The following CACNB2 variants were observed in gnomAD, a reference collection of about 807,000 sequenced individuals.
CACNB2 encodes the protein voltage-dependent L-type calcium channel subunit beta-2.
In CACNB2, 42 loss-of-function variants were observed where a neutral mutation model predicts 73.3. The ratio of observed to expected loss-of-function variants is 0.57; its 90% CI spans 0.45 to 0.74. The LOEUF is 0.74. Ranked by LOEUF, CACNB2 falls within the 30% of genes least tolerant of loss-of-function variation. CACNB2 has a pLI of 0.00. For missense variants in CACNB2, 940 were observed against 853.0 expected, an observed-to-expected ratio of 1.10 and a Z score of -1.27; for synonymous variants, 348 against 310.3, an observed-to-expected ratio of 1.12 and a Z score of -1.28.
At chr10:18,179,673 T>C (rs909725333) in intron 2 of CACNB2, among the ~76,000 whole-genome samples, 3 of 152,170 alleles carry the variant, frequency 2.0e-5, no homozygotes, top group Non-Finnish European at 4.4e-5. Flanking sequence ...TAGTTTGGTG[T>C]TTAACTTTTT....
chr10:18,518,681 C>T (rs1047154280), intron 8 of CACNB2, among the ~76,000 whole-genome samples: 3 of 152,128 alleles, frequency 2.0e-5, no homozygotes, highest in Admixed American at 2.0e-4. Flanking sequence ...AAATGGAGAC[C>T]GACTGAAACC....
chr10:18,173,870 G>A (rs908480948), intron 2 of CACNB2, among the ~76,000 whole-genome samples: 12 of 152,054 alleles, frequency 7.9e-5, no homozygotes, highest in Admixed American at 1.3e-4. Context: ...TAGATTTTAC[G>A]TTTCTATAAA....
In CACNB2 at chr10:18,197,326, GC is replaced by G. The variant is rs1162540924; in HGVS notation, c.213+46353del. Among the ~76,000 whole-genome samples, 19 of 152,200 alleles carry G rather than the reference GC, an allele frequency of 1.2e-4. No individual in the cohort carries two copies. The East Asian group carries it at 3.7e-3, about 29-fold the overall frequency. On this transcript the variant is annotated intron_variant, in intron 2 of 13. Transcript: ENST00000324631. ...CTCCAGACACTCATTATTATTTCATGCCTAAGTTATATCAGCTAGAATGTTT... is the reference window on the plus strand; with the variant it reads ...CTCCAGACACTCATTATTATTTCATGCTAAGTTATATCAGCTAGAATGTTT...
chr10:18,267,229 G>C (rs1393084429), intron 2 of CACNB2, among the ~76,000 whole-genome samples: 1 of 151,950 alleles, frequency 6.6e-6, no homozygotes, highest in Non-Finnish European at 1.5e-5. Flanking sequence ...TTTAATATTG[G>C]CCATGTTAAA....
intron 5 of CACNB2, among the ~76,000 whole-genome samples, chr10:18,504,606 C>A (rs935042570): frequency 1.1e-4 from 16 of 151,926 alleles, no homozygotes; most frequent in Non-Finnish European, 2.9e-5. Flanking sequence ...AATACTTTTA[C>A]TTGCTTTCAT....
intron 2 of CACNB2, among the ~76,000 whole-genome samples, chr10:18,258,173 A>C (rs1190598831): frequency 6.6e-6 from 1 of 152,208 alleles, no homozygotes; most frequent in Non-Finnish European, 1.5e-5. Flanking sequence ...CAAATTAGTT[A>C]GTGCTTGGAA....
chr10:18,181,245 A>C (rs77833457), intron 2 of CACNB2, among the ~76,000 whole-genome samples: 1 of 152,202 alleles, frequency 6.6e-6, no homozygotes, highest in Non-Finnish European at 1.5e-5. Flanking sequence ...TCTCCCATGA[A>C]ACTTCCCTCT....
intron 5 of CACNB2, among the ~76,000 whole-genome samples, chr10:18,504,888 A>G (rs1589578128): frequency 6.6e-6 from 1 of 152,238 alleles, no homozygotes; most frequent in East Asian, 1.9e-4. Context: ...TAGGTGATCC[A>G]CCCACCTTGG....
chr10:18,219,428 C>A (rs951984282), intron 2 of CACNB2, among the ~76,000 whole-genome samples: 1 of 152,132 alleles, frequency 6.6e-6, no homozygotes, highest in Non-Finnish European at 1.5e-5. Flanking sequence ...GAAAAGTCAG[C>A]CTCCAAAGAC....
intron 2 of CACNB2, among the ~76,000 whole-genome samples, chr10:18,386,932 C>T (rs1313732971): frequency 6.6e-6 from 1 of 152,074 alleles, no homozygotes; most frequent in African/African-American, 2.4e-5. Context: ...AAAGTTGATC[C>T]CAGGTATTCA....
At chr10:18,196,951 C>T (rs150220346) in intron 2 of CACNB2, among the ~76,000 whole-genome samples, 30 of 152,182 alleles carry the variant, frequency 2.0e-4, no homozygotes, top group African/African-American at 7.2e-4. Context: ...ATTCAGGATG[C>T]CCTGTTGGGC....
chr10:18,536,192 C>G lies in CACNB2; in HGVS notation c.1298C>G (p.Pro433Arg), dbSNP rs200764884. The G allele has an allele frequency of 8.3e-5, 128 of 1,543,892 alleles. No homozygotes were observed. Among genetic ancestry groups the G allele is most frequent in the Non-Finnish European group, 5.3e-6 (6 of 1,125,394 alleles). ...MVAADKLAQC[P>R]PELFDVILDE... is the part of the protein sequence containing the mutation. ...GCAGCTGATAAACTGGCTCAGTGTC[C>G]TCCAGTAAGTTATCTCTATATACAG... The change falls in exon 12 of 14, where the codon CCT (proline) becomes CGT (arginine). Residue 433 changes from proline (P) to arginine (R), a missense_variant. By Grantham distance (103) the Pro-to-Arg change is moderately radical. Coordinates refer to ENST00000324631, the MANE Select transcript of CACNB2 (RefSeq NM_201596.3).
At chr10:18,208,314 A>T (rs2035178626) in intron 2 of CACNB2, among the ~76,000 whole-genome samples, 1 of 152,064 alleles carries the variant, frequency 6.6e-6, no homozygotes, top group Admixed American at 6.6e-5. Context: ...ACACACAAAA[A>T]ACTTTTTTTT....
chr10:18,344,606 A>G (rs2041370753), intron 2 of CACNB2, among the ~76,000 whole-genome samples: 1 of 152,020 alleles, frequency 6.6e-6, no homozygotes, highest in African/African-American at 2.4e-5. Flanking sequence ...TCCTGACCTC[A>G]GGTGATCCAC....
At chr10:18,166,011 G>A (rs563353688) in intron 2 of CACNB2, among the ~76,000 whole-genome samples, 25 of 152,164 alleles carry the variant, frequency 1.6e-4, no homozygotes, top group Admixed American at 3.3e-4. Flanking sequence ...TTAAAAATCA[G>A]GCTGTAAATA....
chr10:18,236,747 G>A (rs1050873643), intron 2 of CACNB2, among the ~76,000 whole-genome samples: 5 of 152,136 alleles, frequency 3.3e-5, no homozygotes, highest in African/African-American at 1.2e-4. Flanking sequence ...ACTCCCTGAA[G>A]CCATCGGTAA....
intron 2 of CACNB2, among the ~76,000 whole-genome samples, chr10:18,330,945 G>A (rs994562987): frequency 6.6e-6 from 1 of 151,450 alleles, no homozygotes. Context: ...GGGATTACAG[G>A]TGTGAGCCAC....
intron 2 of CACNB2, among the ~76,000 whole-genome samples, chr10:18,279,289 A>C (rs140711537): frequency 6.6e-6 from 1 of 152,140 alleles, no homozygotes; most frequent in African/African-American, 2.4e-5. Context: ...CCTTTCCCCA[A>C]TGATCACAGT....
chr10:18,495,141 A>C (rs922713736), intron 3 of CACNB2, among the ~76,000 whole-genome samples: 3 of 152,144 alleles, frequency 2.0e-5, no homozygotes, highest in African/African-American at 7.2e-5. Flanking sequence ...ACATTTTTCA[A>C]AGCAGAATAT....
Sources: gnomAD v4.1 joint callset for allele counts (sites outside exome capture counted in the v4.1 genomes callset) on GRCh38, gnomAD v4.1.1 for gene constraint, MANE v1.5 for transcripts, NCBI Gene and HGNC (gene_info 2026-07-23, HGNC 2026-07-21) for gene names.